The following PLCL1 variants were observed in gnomAD, a reference collection of about 807,000 sequenced individuals.
PLCL1 encodes the protein inactive phospholipase C-like protein 1.
A neutral mutation model predicts 84.4 loss-of-function variants in PLCL1; 41 were observed. That is an observed-to-expected ratio of 0.49 (90% CI 0.38 to 0.63). The LOEUF (loss-of-function observed/expected upper bound fraction) is 0.63, where lower values mean the gene tolerates loss of function less well. Among genes scored for constraint, PLCL1 ranks in the 30% least tolerant of loss-of-function variants. The pLI is 0.00. For synonymous variants in PLCL1, 490 were observed against 488.3 expected (o/e 1.00, Z -0.05); for missense variants, 1,206 against 1,367.8 (o/e 0.88, Z 1.87).
chr2:198,063,964 C>A (rs1407570806), intron 1 of PLCL1, among the ~76,000 whole-genome samples: 2 of 152,140 alleles, frequency 1.3e-5, no homozygotes, highest in African/African-American at 2.4e-5. Flanking sequence ...TTGCTTTCAC[C>A]TCTTAGGGCC....
At chr2:197,933,695 AT>A (rs2105767767) in intron 1 of PLCL1, among the ~76,000 whole-genome samples, 1 of 152,232 alleles carries the variant, frequency 6.6e-6, no homozygotes, top group African/African-American at 2.4e-5. Context: ...CTGCAGGGTG[AT>A]TTAAGATCAG....
At chr2:197,997,589 T>C (rs373725051) in intron 1 of PLCL1, among the ~76,000 whole-genome samples, 4 of 152,196 alleles carry the variant, frequency 2.6e-5, no homozygotes, top group Non-Finnish European at 5.9e-5. Context: ...CTGTTTCAGG[T>C]AGACAAGCCC....
intron 1 of PLCL1, among the ~76,000 whole-genome samples, chr2:198,050,397 G>A (rs1691898630): frequency 6.6e-6 from 1 of 151,924 alleles, no homozygotes; most frequent in African/African-American, 2.4e-5. Flanking sequence ...TGTCTCAGGA[G>A]ATGGGGTGCT....
At chr2:197,957,672 C>G (rs1356860329) in intron 1 of PLCL1, among the ~76,000 whole-genome samples, 1 of 152,034 alleles carries the variant, frequency 6.6e-6, no homozygotes, top group African/African-American at 2.4e-5. Context: ...CTATTGGCCT[C>G]TGCTCAACCA....
intron 1 of PLCL1, among the ~76,000 whole-genome samples, chr2:198,082,208 A>G (rs931620477): frequency 3.9e-5 from 6 of 152,190 alleles, no homozygotes; most frequent in Non-Finnish European, 2.9e-5. Flanking sequence ...TTATATGAAA[A>G]GATTATTAAT....
chr2:197,806,272 A>G (rs1462933589), intron 1 of PLCL1, among the ~76,000 whole-genome samples: 1 of 152,232 alleles, frequency 6.6e-6, no homozygotes, highest in Non-Finnish European at 1.5e-5. Flanking sequence ...GTATGTATAT[A>G]TGTAAGTATA....
rs532704935 is a variant in PLCL1, at chr2:198,001,440, C to T, written c.241-82318C>T. Among the ~76,000 whole-genome samples, 32 of 152,140 alleles carry T rather than the reference C, an allele frequency of 2.1e-4. 1 individual carries two copies. Among genetic ancestry groups the T allele is most frequent in the African/African-American group, 7.7e-4 (32 of 41,530 alleles). On this transcript the variant is annotated intron_variant, in intron 1 of 5. Transcript: ENST00000428675. Reference sequence around the variant, plus strand: ...AACCTAGATAATAAAAGAGAACCTCCTAGAAAGCCCCAAGGTACCCTTTTC... The same window carrying T: ...AACCTAGATAATAAAAGAGAACCTCTTAGAAAGCCCCAAGGTACCCTTTTC...
intron 1 of PLCL1, among the ~76,000 whole-genome samples, chr2:198,078,514 A>G (rs955707833): frequency 1.6e-4 from 24 of 152,136 alleles, no homozygotes; most frequent in Non-Finnish European, 2.6e-4. Flanking sequence ...TTTTAGTATA[A>G]TCTATTAAAT....
In PLCL1 at chr2:197,817,540, A is replaced by T. The variant is rs1690715573; in HGVS notation, c.240+12201A>T. On this transcript the variant is annotated intron_variant, in intron 1 of 5. Coordinates refer to ENST00000428675, the MANE Select transcript of PLCL1 (RefSeq NM_006226.4). The stretch of plus-strand genomic sequence containing the variant: ...AGGGATCCTCTCACCTCAAACTCCC[A>T]AGTAGCTGGAACTATAGGCCTGTGT... 3.3e-5 allele frequency among the ~76,000 whole-genome samples: 5 copies of T among 152,134 alleles called. No homozygotes were observed. The South Asian group carries it at 1.0e-3, about 31-fold the overall frequency.
chr2:197,837,438 A>T (rs1368044090), intron 1 of PLCL1, among the ~76,000 whole-genome samples: 1 of 152,210 alleles, frequency 6.6e-6, no homozygotes, highest in African/African-American at 2.4e-5. Flanking sequence ...GTTTTCTTGA[A>T]ATCAGTGGCT....
chr2:198,001,170 T>C (rs191055531), intron 1 of PLCL1, among the ~76,000 whole-genome samples: 23 of 152,250 alleles, frequency 1.5e-4, no homozygotes, highest in Non-Finnish European at 1.5e-5. Context: ...TATCTGTAAG[T>C]TGGAGATGAC....
At chr2:198,089,718 C>CT (rs1692972230) in intron 3 of PLCL1, among the ~76,000 whole-genome samples, 1 of 152,148 alleles carries the variant, frequency 6.6e-6, no homozygotes, top group Admixed American at 6.5e-5. Flanking sequence ...AATGTTGTCT[C>CT]TTCTGTTACT....
chr2:198,007,142 T>C (rs143437701), intron 1 of PLCL1, among the ~76,000 whole-genome samples: 192 of 152,292 alleles, frequency 1.3e-3, no homozygotes, highest in African/African-American at 4.2e-3. Context: ...GATGTGGTAT[T>C]TTAATTAAAA....
At chr2:198,131,829 G>A (rs958131415) in intron 5 of PLCL1, among the ~76,000 whole-genome samples, 4 of 152,164 alleles carry the variant, frequency 2.6e-5, no homozygotes, top group Non-Finnish European at 5.9e-5. Context: ...ACTCATTCAG[G>A]CTTCTTGAAG....
intron 1 of PLCL1, among the ~76,000 whole-genome samples, chr2:197,995,977 G>A (rs1481001382): frequency 6.6e-6 from 1 of 152,200 alleles, no homozygotes; most frequent in Non-Finnish European, 1.5e-5. Flanking sequence ...AAGTGCCTCT[G>A]CAAACATTTT....
intron 3 of PLCL1, among the ~76,000 whole-genome samples, chr2:198,092,986 A>G (rs1226226602): frequency 1.3e-5 from 2 of 152,210 alleles, no homozygotes; most frequent in African/African-American, 4.8e-5. Flanking sequence ...AACATGTTTG[A>G]TGATAAATTA....
At chr2:197,813,092 G>A (rs570056345) in intron 1 of PLCL1, among the ~76,000 whole-genome samples, 1 of 152,314 alleles carries the variant, frequency 6.6e-6, no homozygotes, top group South Asian at 2.1e-4. Context: ...AGCAGGGGGA[G>A]AGTATGTTTC....
intron 1 of PLCL1, among the ~76,000 whole-genome samples, chr2:197,835,218 C>A (rs1574904407): frequency 6.6e-6 from 1 of 152,148 alleles, no homozygotes; most frequent in Non-Finnish European, 1.5e-5. Context: ...ATGGGTGCTG[C>A]AAACCACCAT....
intron 1 of PLCL1, among the ~76,000 whole-genome samples, chr2:197,977,905 C>G (rs1210685066): frequency 6.6e-6 from 1 of 152,198 alleles, no homozygotes; most frequent in Non-Finnish European, 1.5e-5. Context: ...TCTTTGTTCT[C>G]TTTCTCTGAA....
Sources: allele counts gnomAD v4.1 joint callset (sites outside exome capture counted in the v4.1 genomes callset), GRCh38; gene constraint gnomAD v4.1.1; transcripts MANE v1.5; gene names NCBI Gene and HGNC (gene_info 2026-07-23, HGNC 2026-07-21).